The following LRRC3B variants were observed in gnomAD, a reference collection of about 807,000 sequenced individuals.
The protein encoded by LRRC3B is leucine-rich repeat-containing protein 3B.
LRRC3B carries 2 observed loss-of-function variants against 12.8 expected under a neutral mutation model. That is an observed-to-expected ratio of 0.16 (90% CI 0.06 to 0.49). The LOEUF is 0.49. Among genes scored for constraint, LRRC3B ranks in the 20% least tolerant of loss-of-function variants. The pLI, the probability that LRRC3B is intolerant of heterozygous loss-of-function variation, is 0.96. For missense variants in LRRC3B, 189 were observed against 319.4 expected, an observed-to-expected ratio of 0.59 and a Z score of 3.11; for synonymous variants, 132 against 122.0, an observed-to-expected ratio of 1.08 and a Z score of -0.54.
intron 1 of LRRC3B, among the ~76,000 whole-genome samples, chr3:26,670,999 C>G (rs112842221): frequency 0.017 from 2,456 of 146,708 alleles, 26 homozygotes; most frequent in Non-Finnish European, 0.026. Context: ...CACAGTCTAC[C>G]TTCTCATGTA....
intron 1 of LRRC3B, among the ~76,000 whole-genome samples, chr3:26,663,111 T>G (rs900899393): frequency 2.6e-5 from 4 of 152,180 alleles, no homozygotes; most frequent in African/African-American, 9.6e-5. Flanking sequence ...GGCCCTCTCA[T>G]GCACGATTCT....
rs1698902239 is a variant in LRRC3B, at chr3:26,636,922, CTTTCTTTCTT to C, written c.-161+13687_-161+13696del. Among the ~76,000 whole-genome samples the C allele has an allele frequency of 1.1e-4, 7 of 61,452 alleles. 1 individual carries two copies. The South Asian group carries it at 3.4e-3, about 30-fold the overall frequency. The allele number at this position is 61,452 out of a possible 152,430, so 40.3% of individuals were successfully genotyped here. ...TCTCTCTTTCTCTCTTTCTCTCTTTCTTTCTTTCTTTCTTTCTTTCTTTCTTTCTTTCTTT... is the reference window on the plus strand; with the variant it reads ...TCTCTCTTTCTCTCTTTCTCTCTTTCTCTTTCTTTCTTTCTTTCTTTCTTT... On this transcript the variant is annotated intron_variant, in intron 1 of 1. Coordinates refer to ENST00000396641, the Ensembl canonical transcript of LRRC3B.
chr3:26,668,513 T>C (rs1476595096), intron 1 of LRRC3B, among the ~76,000 whole-genome samples: 1 of 152,188 alleles, frequency 6.6e-6, no homozygotes, highest in Non-Finnish European at 1.5e-5. Context: ...CATAGTTTTC[T>C]ACATCACTGT....
intron 1 of LRRC3B, among the ~76,000 whole-genome samples, chr3:26,638,767 T>A (rs1393485543): frequency 1.3e-5 from 2 of 152,242 alleles, no homozygotes; most frequent in Non-Finnish European, 2.9e-5. Flanking sequence ...CTTTGAATAT[T>A]GTCATCAGTG....
chr3:26,678,121 C>T (rs11129239), intron 1 of LRRC3B, among the ~76,000 whole-genome samples: 126,761 of 151,986 alleles, frequency 0.83, 53,609 homozygotes, highest in East Asian at 0.99. Flanking sequence ...CCAACCAACA[C>T]TGGTATTTTT....
intron 1 of LRRC3B, among the ~76,000 whole-genome samples, chr3:26,646,482 G>A (rs1231942367): frequency 1.3e-5 from 2 of 151,794 alleles, no homozygotes; most frequent in African/African-American, 2.4e-5. Context: ...TTCTTTTGCA[G>A]TCACCTTTTC....
intron 1 of LRRC3B, among the ~76,000 whole-genome samples, chr3:26,708,617 T>G (rs1454824302): frequency 6.6e-6 from 1 of 152,202 alleles, no homozygotes. Flanking sequence ...TAACTTATAT[T>G]CTTATCTCTG....
At chr3:26,648,446 G>A (rs1003321528) in intron 1 of LRRC3B, among the ~76,000 whole-genome samples, 1 of 150,766 alleles carries the variant, frequency 6.6e-6, no homozygotes, top group Non-Finnish European at 1.5e-5. Flanking sequence ...CTTTTTTTTT[G>A]TTTCAGTAAA....
intron 1 of LRRC3B, among the ~76,000 whole-genome samples, chr3:26,669,331 G>GT (rs1322912851): frequency 8.5e-5 from 13 of 152,052 alleles, no homozygotes; most frequent in Non-Finnish European, 1.9e-4. Context: ...TTCTCCTTCA[G>GT]TTTTTTCATT....
chr3:26,651,341 T>G (rs1699260224), intron 1 of LRRC3B, among the ~76,000 whole-genome samples: 1 of 152,204 alleles, frequency 6.6e-6, no homozygotes, highest in African/African-American at 2.4e-5. Context: ...TCACTCCCTT[T>G]TATTCTCTGC....
In LRRC3B at chr3:26,642,045, AT is replaced by A. The variant is rs1037148287; in HGVS notation, c.-161+18809del. 5.9e-5 allele frequency among the ~76,000 whole-genome samples: 9 copies of A among 152,326 alleles called. No homozygotes were observed. The South Asian group carries it at 1.7e-3, about 28-fold the overall frequency. On this transcript the variant is annotated intron_variant, in intron 1 of 1. Coordinates refer to ENST00000396641, the Ensembl canonical transcript of LRRC3B. Reference sequence around the variant, plus strand: ...AAAATTATGTTGTGCAAAACAAAAAATATTTCCTGAGAAGAGTGGTATTATT... The same window carrying A: ...AAAATTATGTTGTGCAAAACAAAAAAATTTCCTGAGAAGAGTGGTATTATT...
intron 1 of LRRC3B, among the ~76,000 whole-genome samples, chr3:26,700,198 G>C (rs747730851): frequency 6.6e-6 from 1 of 152,112 alleles, no homozygotes; most frequent in Non-Finnish European, 1.5e-5. Flanking sequence ...TTTGATAAAA[G>C]TTTTATATCA....
intron 1 of LRRC3B, among the ~76,000 whole-genome samples, chr3:26,698,276 C>T (rs896696407): frequency 3.3e-5 from 5 of 152,052 alleles, no homozygotes; most frequent in African/African-American, 1.2e-4. Flanking sequence ...CTTTTATTAC[C>T]CTCATGTTCA....
chr3:26,638,223 GAAATTAACTAT>G (rs1698943571), intron 1 of LRRC3B, among the ~76,000 whole-genome samples: 1 of 151,918 alleles, frequency 6.6e-6, no homozygotes, highest in Non-Finnish European at 1.5e-5. Context: ...ATGATCAGGA[GAAATTAACTAT>G]CATGACTTTA....
At chr3:26,698,119 A>AGTGGTGGTG (rs951173774) in intron 1 of LRRC3B, among the ~76,000 whole-genome samples, 3 of 151,978 alleles carry the variant, frequency 2.0e-5, no homozygotes, top group Non-Finnish European at 1.5e-5. Flanking sequence ...TGATGATGAT[A>AGTGGTGGTG]GTGGTGGTGG....
At chr3:26,639,614 A>G (rs938561387) in intron 1 of LRRC3B, among the ~76,000 whole-genome samples, 1 of 152,136 alleles carries the variant, frequency 6.6e-6, no homozygotes, top group Non-Finnish European at 1.5e-5. Context: ...CAAGTGCTCA[A>G]TAGCCACATG....
At chr3:26,661,969 T>C (rs1699501012) in intron 1 of LRRC3B, among the ~76,000 whole-genome samples, 1 of 152,186 alleles carries the variant, frequency 6.6e-6, no homozygotes, top group Non-Finnish European at 1.5e-5. Context: ...TTCTGACCTC[T>C]GTGACTCCTC....
At chr3:26,631,061 G>A (rs994779573) in intron 1 of LRRC3B, among the ~76,000 whole-genome samples, 1 of 152,158 alleles carries the variant, frequency 6.6e-6, no homozygotes. Flanking sequence ...TCAAGACTGT[G>A]GATACTGGTA....
chr3:26,697,378 GTTA>G (rs900684609), intron 1 of LRRC3B, among the ~76,000 whole-genome samples: 1 of 152,088 alleles, frequency 6.6e-6, no homozygotes, highest in Non-Finnish European at 1.5e-5. Flanking sequence ...TACCTTAGTT[GTTA>G]CATTGCCTTT....
Sources: gnomAD v4.1 joint callset for allele counts (sites outside exome capture counted in the v4.1 genomes callset) on GRCh38, gnomAD v4.1.1 for gene constraint, MANE v1.5 for transcripts, NCBI Gene and HGNC (gene_info 2026-07-23, HGNC 2026-07-21) for gene names.